The following GRM5 variants were observed in gnomAD, a reference collection of about 807,000 sequenced individuals.
GRM5 encodes metabotropic glutamate receptor 5.
Under a neutral mutation model 83.1 loss-of-function variants are expected in GRM5, and 19 were observed. The ratio of observed to expected loss-of-function variants is 0.23; its 90% CI spans 0.16 to 0.34. The LOEUF (loss-of-function observed/expected upper bound fraction) is 0.34. Among genes scored for constraint, GRM5 ranks in the 10% least tolerant of loss-of-function variants. GRM5 has a pLI of 1.00. For missense variants in GRM5, 1,160 were observed against 1,588.3 expected, an observed-to-expected ratio of 0.73 and a Z score of 4.58; for synonymous variants, 675 against 633.6, an observed-to-expected ratio of 1.07 and a Z score of -0.98.
At chr11:88,787,874 T>G (rs940491432) in intron 3 of GRM5, among the ~76,000 whole-genome samples, 1 of 152,096 alleles carries the variant, frequency 6.6e-6, no homozygotes, top group Admixed American at 6.6e-5. Flanking sequence ...TTTCTGGATA[T>G]GTTAAGTTTG....
Position 88,621,206 on chromosome 11 carries a change from T to C in GRM5, c.1148-16242A>G, listed in dbSNP as rs149642234. ...TTAGAGTCTTCTTACTATACTAAGA[T>C]CAAACTCCTAGACCAGACTTTTCCC... On this transcript the variant is annotated intron_variant, in intron 4 of 9. Coordinates refer to ENST00000305447, the MANE Select transcript of GRM5 (RefSeq NM_001143831.3). Among the ~76,000 whole-genome samples, 4 of 152,326 alleles carry C rather than the reference T, an allele frequency of 2.6e-5. No homozygotes were observed. In the East Asian group the frequency reaches 7.7e-4, roughly 29 times the overall value.
intron 7 of GRM5, among the ~76,000 whole-genome samples, chr11:88,574,985 C>CTTTTTTTTTTTTTTT (rs796257304): frequency 5.2e-5 from 6 of 116,162 alleles, no homozygotes; most frequent in African/African-American, 1.9e-4. Flanking sequence ...CTTTTCTTTT[C>CTTTTTTTTTTTTTTT]TTTTTTTTTT....
In GRM5 at chr11:88,509,227, C is replaced by G; in HGVS notation, c.3004G>C (p.Asp1002His). ...SPDAGPKALY[D>H]VAEAEEHFPA... ...AAGTGCTCCTCAGCCTCGGCCACAT[C>G]ATACAGCGCCTTGGGGCCGGCGTCT... The change falls in exon 10 of 10, where the codon GAT becomes CAT. Residue 1002 changes from aspartate (D) to histidine (H), a missense_variant. Physicochemically the swap from Asp to His is moderately conservative, Grantham distance 81. This residue lies in a region of GRM5 where 562 missense variants were observed against 532.4 expected (regional missense o/e 1.06). Coordinates refer to ENST00000305447, the MANE Select transcript of GRM5 (RefSeq NM_001143831.3). 6.6e-7 allele frequency: 1 copy of G among 1,511,248 alleles called. No homozygotes were observed. The highest frequency in any genetic ancestry group is 8.8e-7 in the Non-Finnish European group (1 of 1,132,466). 93.6% of individuals were successfully genotyped at this position (1,511,248 alleles called of 1,614,324 possible).
chr11:88,517,023 A>G (rs979828453), intron 9 of GRM5, among the ~76,000 whole-genome samples: 9 of 151,878 alleles, frequency 5.9e-5, no homozygotes, highest in African/African-American at 1.7e-4. Context: ...TATTTCCTTA[A>G]TATTTCTAGA....
chr11:88,765,442 A>T (rs1204568813), intron 3 of GRM5, among the ~76,000 whole-genome samples: 2 of 151,238 alleles, frequency 1.3e-5, no homozygotes, highest in African/African-American at 4.8e-5. Flanking sequence ...ACACTTTCCA[A>T]TTTAAAACTT....
chr11:88,563,620 A>G (rs988779378), intron 8 of GRM5, among the ~76,000 whole-genome samples: 1 of 152,188 alleles, frequency 6.6e-6, no homozygotes, highest in Non-Finnish European at 1.5e-5. Context: ...CCAAAGACCT[A>G]CATCCAGAGA....
At chr11:88,746,157 T>C (rs1369639446) in intron 3 of GRM5, among the ~76,000 whole-genome samples, 1 of 152,158 alleles carries the variant, frequency 6.6e-6, no homozygotes, top group Non-Finnish European at 1.5e-5. Context: ...CTCCTTGACC[T>C]CTTTAACACG....
intron 2 of GRM5, among the ~76,000 whole-genome samples, chr11:88,858,941 GCT>G (rs368517575): frequency 6.9e-4 from 105 of 152,076 alleles, no homozygotes; most frequent in Middle Eastern, 3.4e-3. Context: ...AGGAAAGAGA[GCT>G]CTGAGTTATA....
intron 4 of GRM5, among the ~76,000 whole-genome samples, chr11:88,622,044 A>G (rs1461252347): frequency 1.3e-5 from 2 of 152,228 alleles, no homozygotes; most frequent in Non-Finnish European, 2.9e-5. Flanking sequence ...TATTGTACCA[A>G]TGGTGCAAAT....
intron 3 of GRM5, among the ~76,000 whole-genome samples, chr11:88,797,814 G>A (rs1453971470): frequency 7.4e-6 from 1 of 135,196 alleles, no homozygotes; most frequent in Non-Finnish European, 1.5e-5. Flanking sequence ...ACATTTTCAT[G>A]AATTGCTGTT....
At chr11:88,565,962 G>T (rs1490055340) in intron 8 of GRM5, among the ~76,000 whole-genome samples, 1 of 152,196 alleles carries the variant, frequency 6.6e-6, no homozygotes, top group Non-Finnish European at 1.5e-5. Context: ...ATACTTTGAA[G>T]ATTTAGGGCT....
In GRM5 at chr11:88,988,172, G is replaced by A. The variant is rs932421479; in HGVS notation, c.661+59040C>T. Among the ~76,000 whole-genome samples, 42 of 151,928 alleles carry A rather than the reference G, an allele frequency of 2.8e-4. 1 individual carries two copies. The highest frequency in any genetic ancestry group is 9.9e-4 in the African/African-American group (41 of 41,362). ...ATACAGAGAAGTGCTTAAAGGAGCT[G>A]ATGGAGCTGAAAACCAAGGCTCGAG... is the stretch of plus-strand genomic sequence containing the variant. On this transcript the variant is annotated intron_variant, in intron 2 of 9. Transcript: ENST00000305447.
chr11:88,895,648 T>A (rs116888750), intron 2 of GRM5, among the ~76,000 whole-genome samples: 1 of 151,944 alleles, frequency 6.6e-6, no homozygotes, highest in Non-Finnish European at 1.5e-5. Flanking sequence ...AAAAAACAAG[T>A]CCACCATATA....
chr11:88,653,382 A>C lies in GRM5; in HGVS notation c.933T>G (p.Tyr311Ter), dbSNP rs1443341773. Residue 311 changes from tyrosine (Y) to a stop codon, truncating the protein, a stop_gained, in exon 4 of 10, where the codon TAT (tyrosine) becomes TAG (stop). Coordinates refer to ENST00000305447, the MANE Select transcript of GRM5 (RefSeq NM_001143831.3). LOFTEE classifies it high-confidence loss of function. ...CTCGCTGATATCCATCTGTCACATCATACCTGTCAGCCCAGCCATCACTGT... is the reference window on the plus strand; with the variant it reads ...CTCGCTGATATCCATCTGTCACATCCTACCTGTCAGCCCAGCCATCACTGT... ...LLGSDGWADR[Y>*]DVTDGYQREA... is the part of the protein sequence containing the mutation. 6.2e-7 allele frequency: 1 copy of C among 1,612,244 alleles called. No individual in the cohort carries two copies. Among genetic ancestry groups the C allele is most frequent in the East Asian group, 2.2e-5 (1 of 44,814 alleles).
intron 2 of GRM5, among the ~76,000 whole-genome samples, chr11:88,870,908 T>TAAC (rs1188869445): frequency 6.6e-6 from 1 of 151,220 alleles, no homozygotes; most frequent in Non-Finnish European, 1.5e-5. Flanking sequence ...TGTTTGAAAA[T>TAAC]AATAATAATA....
rs1190029072 is a variant in GRM5, at chr11:88,793,688, G to A, written c.911+56218C>T. The stretch of plus-strand genomic sequence containing the variant: ...TACATAATTTTCCAGAACTATAATA[G>A]TTTCAGAACAAACCTACTGGGAGGG... On this transcript the variant is annotated intron_variant, in intron 3 of 9. Transcript: ENST00000305447. Among the ~76,000 whole-genome samples the A allele has an allele frequency of 3.3e-5, 5 of 152,228 alleles. 1 individual carries two copies. In the South Asian group the frequency reaches 1.0e-3, roughly 32 times the overall value.
intron 2 of GRM5, among the ~76,000 whole-genome samples, chr11:88,988,034 A>G (rs1425808571): frequency 6.6e-6 from 1 of 151,470 alleles, no homozygotes; most frequent in Non-Finnish European, 1.5e-5. Flanking sequence ...AGCTGAGAGA[A>G]GAAGGCTTCA....
intron 3 of GRM5, among the ~76,000 whole-genome samples, chr11:88,666,515 G>A (rs1162823230): frequency 6.6e-6 from 1 of 152,202 alleles, no homozygotes; most frequent in Non-Finnish European, 1.5e-5. Flanking sequence ...AGCCATTGAT[G>A]AGGGATCTGC....
chr11:88,613,566 T>C (rs926930139), intron 4 of GRM5, among the ~76,000 whole-genome samples: 2 of 152,218 alleles, frequency 1.3e-5, no homozygotes, highest in African/African-American at 4.8e-5. Context: ...AGTTTTAGAC[T>C]GTGGGTGCTG....
Sources: gnomAD v4.1 joint callset for allele counts (sites outside exome capture counted in the v4.1 genomes callset) on GRCh38, gnomAD v4.1.1 for gene constraint, gnomAD v4.1.1 regional missense constraint, MANE v1.5 for transcripts, NCBI Gene and HGNC (gene_info 2026-07-23, HGNC 2026-07-21) for gene names.